MESP1: variants seen among roughly 807,000 people sequenced by gnomAD.
MESP1 encodes mesoderm posterior bHLH transcription factor 1, also known as mesoderm posterior protein 1.
A neutral mutation model predicts 15.2 loss-of-function variants in MESP1; 22 were observed. The ratio of observed to expected loss-of-function variants is 1.45; its 90% CI spans 1.04 to 2.07. MESP1 has a LOEUF of 2.07. Among genes scored for constraint, MESP1 ranks in the 30% most tolerant of loss-of-function variants. MESP1 has a pLI of 0.00. For synonymous variants in MESP1, 216 were observed against 192.6 expected (o/e 1.12, Z -1.01); for missense variants, 484 against 411.9 (o/e 1.17, Z -1.51).
the MESP1 span, among the ~76,000 whole-genome samples, chr15:89,744,748 TCA>T: frequency 1.3e-5 from 2 of 151,898 alleles, no homozygotes; most frequent in African/African-American, 2.4e-5. Context: ...CATCCAGGAG[TCA>T]CACTCTTGGT....
At chr15:89,734,570 C>G in the MESP1 span, among the ~76,000 whole-genome samples, 5 of 152,196 alleles carry the variant, frequency 3.3e-5, no homozygotes, top group African/African-American at 4.8e-5. Context: ...TGCCCACATT[C>G]AAGCAGTAGA....
the MESP1 span, among the ~76,000 whole-genome samples, chr15:89,740,868 G>A: frequency 0.016 from 2,500 of 152,204 alleles, 80 homozygotes; most frequent in African/African-American, 0.057. Context: ...GGCCGGGCGC[G>A]GTGGCTCACA....
the MESP1 span, among the ~76,000 whole-genome samples, chr15:89,733,836 T>C: frequency 6.6e-6 from 1 of 152,202 alleles, no homozygotes; most frequent in Non-Finnish European, 1.5e-5. Context: ...TATTCTGTTA[T>C]AAGCAACAGA....
At chr15:89,737,221 A>C in the MESP1 span, among the ~76,000 whole-genome samples, 1 of 152,204 alleles carries the variant, frequency 6.6e-6, no homozygotes, top group Non-Finnish European at 1.5e-5. Context: ...TCCCTGAGGC[A>C]GTGGGAAGGA....
chr15:89,743,528 G>A, the MESP1 span: 1 of 743,106 alleles, frequency 1.3e-6, no homozygotes, highest in Admixed American at 2.6e-5. Flanking sequence ...CCTCTGCAGA[G>A]CCAGCAAGGG....
At chr15:89,732,565 A>G in the MESP1 span, among the ~76,000 whole-genome samples, 1 of 152,206 alleles carries the variant, frequency 6.6e-6, no homozygotes, top group South Asian at 2.1e-4. Flanking sequence ...GCCCTTGACC[A>G]AAATAGCTTG....
At chr15:89,743,262 TTC>T in the MESP1 span, 1 of 1,597,656 alleles carries the variant, frequency 6.3e-7, no homozygotes, top group Admixed American at 1.7e-5. Flanking sequence ...TGAGAGGAGA[TTC>T]CTCTCATCAC....
chr15:89,742,983 T>C, the MESP1 span, among the ~76,000 whole-genome samples: 2 of 152,248 alleles, frequency 1.3e-5, no homozygotes, highest in Non-Finnish European at 2.9e-5. Context: ...CATCTTCCTT[T>C]TCAGTCTGAA....
chr15:89,736,539 C>A, the MESP1 span, among the ~76,000 whole-genome samples: 1 of 152,038 alleles, frequency 6.6e-6, no homozygotes, highest in Admixed American at 6.6e-5. Context: ...CCTGGAAAAT[C>A]AGTTCACAAA....
chr15:89,738,210 G>A, the MESP1 span: 1 of 1,612,974 alleles, frequency 6.2e-7, no homozygotes. Flanking sequence ...CACTGGAGAA[G>A]AGATGTGAGC....
downstream of MESP1, among the ~76,000 whole-genome samples, chr15:89,746,411 CTCCACACA>C (rs1567139074): frequency 6.7e-6 from 1 of 149,546 alleles, no homozygotes; most frequent in Non-Finnish European, 1.5e-5. Flanking sequence ...GCATCCACAC[CTCCACACA>C]TCCACACCGC....
the MESP1 span, among the ~76,000 whole-genome samples, chr15:89,744,266 T>C: frequency 6.6e-6 from 1 of 152,344 alleles, no homozygotes; most frequent in Admixed American, 6.5e-5. Flanking sequence ...ACATTCCTTG[T>C]TGGCCAGACA....
At chr15:89,739,651 GGGTCAT>G in the MESP1 span, among the ~76,000 whole-genome samples, 11 of 152,136 alleles carry the variant, frequency 7.2e-5, no homozygotes, top group Non-Finnish European at 1.3e-4. Context: ...GGGTGGACTG[GGGTCAT>G]CAGTGGAGTC....
chr15:89,750,763 C>A lies in MESP1; in HGVS notation c.469G>T (p.Ala157Ser). The A allele has an allele frequency of 6.7e-7, 1 of 1,488,290 alleles. No individual in the cohort carries two copies. Among genetic ancestry groups the A allele is most frequent in the Non-Finnish European group, 8.9e-7 (1 of 1,123,964 alleles). 92.2% of individuals were successfully genotyped at this position (1,488,290 alleles called of 1,614,324 possible). ...AGCGGGCAGCCCCGAGGGGACCCCG[C>A]GTCACCGCGCTGCCGGCACCGGCGC... Reference protein sequence around the residue: ...LQRRCRQRGDAGSPRGCPLCP... With the variant: ...LQRRCRQRGDSGSPRGCPLCP... Residue 157 changes from alanine to serine, a missense_variant, in exon 1 of 2, where the codon GCG becomes TCG. Transcript: ENST00000300057.
At chr15:89,737,735 G>A in the MESP1 span, 1 of 1,614,184 alleles carries the variant, frequency 6.2e-7, no homozygotes, top group Admixed American at 1.7e-5. Flanking sequence ...CCGAGGTACA[G>A]AAAGGGACCA....
At chr15:89,737,645 G>T in the MESP1 span, 25 of 1,614,056 alleles carry the variant, frequency 1.5e-5, no homozygotes, top group Non-Finnish European at 1.9e-5. Flanking sequence ...CTGTGCCTTT[G>T]CCCCTCCGGG....
chr15:89,732,943 CT>C, the MESP1 span: 1 of 1,494,802 alleles, frequency 6.7e-7, no homozygotes, highest in Non-Finnish European at 9.3e-7. Context: ...GTCACAGCCC[CT>C]GTGCCCATGG....
chr15:89,739,272 A>G, the MESP1 span, among the ~76,000 whole-genome samples: 1 of 152,184 alleles, frequency 6.6e-6, no homozygotes, highest in East Asian at 1.9e-4. Context: ...TGTATTATCT[A>G]TGGCTACTGT....
chr15:89,747,095 G>T (rs1967982002), downstream of MESP1, among the ~76,000 whole-genome samples: 1 of 53,616 alleles, frequency 1.9e-5, no homozygotes, highest in African/African-American at 7.3e-5. Flanking sequence ...CAGCCCCACT[G>T]CCACATACAC....
Sources: allele counts gnomAD v4.1 joint callset (sites outside exome capture counted in the v4.1 genomes callset), GRCh38; gene constraint gnomAD v4.1.1; transcripts MANE v1.5; gene names NCBI Gene and HGNC (gene_info 2026-07-23, HGNC 2026-07-21).